Variants in PAK2 observed in about 807,000 individuals in gnomAD.
PAK2 encodes the protein serine/threonine-protein kinase PAK 2.
PAK2 carries 21 observed loss-of-function variants against 65.9 expected under a neutral mutation model. The observed-to-expected ratio is 0.32, with a 90% CI of 0.23 to 0.46. PAK2 has a LOEUF of 0.46. Among genes scored for constraint, PAK2 ranks in the 20% least tolerant of loss-of-function variants. The pLI is 1.00. For synonymous variants in PAK2, 204 were observed against 219.7 expected, an observed-to-expected ratio of 0.93 and a Z score of 0.63; for missense variants, 324 against 642.6, an observed-to-expected ratio of 0.50 and a Z score of 5.36.
At chr3:196,771,753 T>C (rs1714366899) in intron 1 of PAK2, among the ~76,000 whole-genome samples, 1 of 152,104 alleles carries the variant, frequency 6.6e-6, no homozygotes, top group African/African-American at 2.4e-5. Flanking sequence ...AGATGGGGTT[T>C]CTCCATGTTG....
intron 5 of PAK2, among the ~76,000 whole-genome samples, chr3:196,805,943 G>T (rs1289195437): frequency 2.0e-5 from 3 of 149,442 alleles, no homozygotes; most frequent in Admixed American, 6.7e-5. Context: ...TTAGAGTCTC[G>T]CTCTGTCGCC....
intron 1 of PAK2, among the ~76,000 whole-genome samples, chr3:196,760,617 A>G (rs1713926584): frequency 6.6e-6 from 1 of 152,204 alleles, no homozygotes; most frequent in Non-Finnish European, 1.5e-5. Flanking sequence ...ATCCATGTGC[A>G]GCCGCATTAT....
In PAK2 at chr3:196,812,268, G is replaced by A; in HGVS notation, c.822+1G>A. ...TACTGACGTTGCACTGGGACAGGAG[G>A]TAGTTACTTTGTTGTAATCCTGGGT... On this transcript the variant is annotated splice_donor_variant, in intron 9 of 14. Transcript: ENST00000327134. LOFTEE classifies it high-confidence loss of function. The A allele has an allele frequency of 6.4e-7, 1 of 1,562,132 alleles. No individual in the cohort carries two copies. Among genetic ancestry groups the A allele is most frequent in the Non-Finnish European group, 8.8e-7 (1 of 1,132,902 alleles).
At chr3:196,795,165 C>T (rs1402064858) in intron 2 of PAK2, among the ~76,000 whole-genome samples, 4 of 151,756 alleles carry the variant, frequency 2.6e-5, no homozygotes, top group African/African-American at 9.7e-5. Flanking sequence ...TGTTTAAAAC[C>T]AGTGTTAGGG....
chr3:196,800,105 G>T (rs973044588), intron 2 of PAK2, among the ~76,000 whole-genome samples: 4 of 152,194 alleles, frequency 2.6e-5, no homozygotes, highest in Non-Finnish European at 4.4e-5. Flanking sequence ...TCTCAGCCAG[G>T]TGCAGTGGCT....
intron 13 of PAK2, among the ~76,000 whole-genome samples, chr3:196,823,922 C>G (rs553340360): frequency 6.6e-6 from 1 of 152,014 alleles, no homozygotes; most frequent in Non-Finnish European, 1.5e-5. Flanking sequence ...GAATTCCACC[C>G]CAGCTGCTCA....
rs11314877 is a variant in PAK2 at position 196,817,156 on chromosome 3, A to ATTTT, written c.1054-878_1054-875dup. Among the ~76,000 whole-genome samples the ATTTT allele has an allele frequency of 7.1e-4, 60 of 84,778 alleles. 4 individuals are homozygous for ATTTT. The highest frequency in any genetic ancestry group is 1.9e-3 in the African/African-American group (39 of 20,764). The allele number at this position is 84,778 out of a possible 152,430, so 55.6% of individuals were successfully genotyped here. On this transcript the variant is annotated intron_variant, in intron 11 of 14. Transcript: ENST00000327134. ...TAGGCATTTAAACCTGAAAGAGGCAATTTTTTTTTTTTTTTTTTTTTTTTT... is the reference window on the plus strand; with the variant it reads ...TAGGCATTTAAACCTGAAAGAGGCAATTTTTTTTTTTTTTTTTTTTTTTTTTTTT...
At chr3:196,810,499 A>G in intron 7 of PAK2, 91 bp from the exon 8 acceptor site, 1 of 755,340 alleles carries the variant, frequency 1.3e-6, no homozygotes, top group Non-Finnish European at 2.3e-6. Context: ...CACTTATAAA[A>G]ACAGTGGAGT....
chr3:196,742,728 C>A (rs1358688045), intron 1 of PAK2, among the ~76,000 whole-genome samples: 2 of 152,026 alleles, frequency 1.3e-5, no homozygotes, highest in Non-Finnish European at 2.9e-5. Flanking sequence ...TCCTGGCTAA[C>A]ACAGTGAAAC....
intron 1 of PAK2, among the ~76,000 whole-genome samples, chr3:196,749,194 T>C (rs1713487944): frequency 6.6e-6 from 1 of 152,198 alleles, no homozygotes; most frequent in East Asian, 1.9e-4. Context: ...CTGAGATTAA[T>C]GCTACTACGA....
intron 2 of PAK2, among the ~76,000 whole-genome samples, chr3:196,783,099 T>C (rs1714763871): frequency 6.6e-6 from 1 of 152,166 alleles, no homozygotes; most frequent in African/African-American, 2.4e-5. Flanking sequence ...CATATTTTAA[T>C]GAGATTTGTG....
At chr3:196,825,147 A>G (rs1487828715) in intron 13 of PAK2, among the ~76,000 whole-genome samples, 1 of 150,232 alleles carries the variant, frequency 6.7e-6, no homozygotes, top group African/African-American at 2.5e-5. Context: ...GGAGTTTGAG[A>G]CCAGCCTGGC....
At chr3:196,804,554 G>A (rs1389450842) in intron 4 of PAK2, among the ~76,000 whole-genome samples, 5 of 152,000 alleles carry the variant, frequency 3.3e-5, no homozygotes, top group Admixed American at 6.6e-5. Context: ...CAGAACCCCC[G>A]CCTCCCGGGT....
intron 11 of PAK2, among the ~76,000 whole-genome samples, chr3:196,815,612 C>T (rs567706184): frequency 6.6e-6 from 1 of 151,820 alleles, no homozygotes; most frequent in Admixed American, 6.6e-5. Flanking sequence ...CACGGTGAAA[C>T]CCCGTCTCTA....
chr3:196,786,351 C>T (rs1001717542), intron 2 of PAK2, among the ~76,000 whole-genome samples: 3 of 151,764 alleles, frequency 2.0e-5, no homozygotes, highest in African/African-American at 4.8e-5. Context: ...TTAGTAGAGA[C>T]AGGGTTTCAT....
In PAK2 at chr3:196,791,988, G is replaced by A. The variant is rs1202083403; in HGVS notation, c.187+9155G>A. ...CTTACAACTTCAGACACTAGTGATA[G>A]ACTGATTCTCAGGGAGCCGAGTCTG... On this transcript the variant is annotated intron_variant, in intron 2 of 14. Transcript: ENST00000327134. The surrounding 1 kb of genome is among the most constrained non-coding windows in gnomAD (Gnocchi z 4.0). Among the ~76,000 whole-genome samples the A allele has an allele frequency of 6.6e-6, 1 of 152,030 alleles. No homozygotes were observed. Among genetic ancestry groups the A allele is most frequent in the African/African-American group, 2.4e-5 (1 of 41,408 alleles).
intron 1 of PAK2, among the ~76,000 whole-genome samples, chr3:196,750,590 T>C (rs971740006): frequency 6.6e-5 from 10 of 152,192 alleles, no homozygotes; most frequent in Non-Finnish European, 1.3e-4. Flanking sequence ...TGTTGTACTT[T>C]GTTTTTTGTT....
chr3:196,766,885 A>C (rs1714185302), intron 1 of PAK2, among the ~76,000 whole-genome samples: 1 of 150,878 alleles, frequency 6.6e-6, no homozygotes, highest in Admixed American at 6.6e-5. Context: ...GCTGGGAAAA[A>C]ATTATGGTTC....
At chr3:196,758,578 C>G (rs537188322) in intron 1 of PAK2, among the ~76,000 whole-genome samples, 1 of 152,218 alleles carries the variant, frequency 6.6e-6, no homozygotes, top group Non-Finnish European at 1.5e-5. Context: ...GATGCACGCA[C>G]TGTTGGGCTT....
Sources: gnomAD v4.1 joint callset for allele counts (sites outside exome capture counted in the v4.1 genomes callset) on GRCh38, gnomAD v4.1.1 for gene constraint, Gnocchi (gnomAD v3.1) non-coding constraint, MANE v1.5 for transcripts, NCBI Gene and HGNC (gene_info 2026-07-23, HGNC 2026-07-21) for gene names.